CRHR2: variants seen among roughly 807,000 people sequenced by gnomAD.
CRHR2 encodes the protein corticotropin releasing hormone receptor 2, also known as corticotropin-releasing hormone receptor 2.
In CRHR2, 53 loss-of-function variants were observed where a neutral mutation model predicts 57.9. The ratio of observed to expected loss-of-function variants is 0.92; its 90% CI spans 0.73 to 1.15. CRHR2 has a LOEUF of 1.15. Ranked by LOEUF, CRHR2 falls within the 50% of genes most tolerant of loss-of-function variation. CRHR2 has a pLI of 0.00. For synonymous variants in CRHR2, 213 were observed against 220.9 expected, an observed-to-expected ratio of 0.96 and a Z score of 0.32; for missense variants, 532 against 542.6, an observed-to-expected ratio of 0.98 and a Z score of 0.19.
At chr7:30,679,738 CCT>C (rs1784637611) in intron 2 of CRHR2, among the ~76,000 whole-genome samples, 1 of 152,170 alleles carries the variant, frequency 6.6e-6, no homozygotes, top group South Asian at 2.1e-4. Flanking sequence ...GAGGTTTCTC[CCT>C]CTGTCATTCT....
Position 30,655,652 on chromosome 7 carries a change from G to A in CRHR2, c.981C>T (p.Phe327=), listed in dbSNP as rs754175579. Residue 327 remains phenylalanine, a synonymous_variant, in exon 10 of 12, where the codon TTC becomes TTT. Coordinates refer to ENST00000471646, the MANE Select transcript of CRHR2 (RefSeq NM_001883.5). ...PLLGITYMLF[F]VNPGEDDLSQ... ...ACAGGTCGTCCTCCCCGGGATTGACGAAGAAGAGCATGTAGGTGATGCCCA... is the reference window on the plus strand; with the variant it reads ...ACAGGTCGTCCTCCCCGGGATTGACAAAGAAGAGCATGTAGGTGATGCCCA... The A allele has an allele frequency of 2.2e-5, 36 of 1,614,056 alleles. No individual in the cohort carries two copies. Among genetic ancestry groups the A allele is most frequent in the South Asian group, 5.5e-5 (5 of 91,088 alleles).
chr7:30,686,322 C>A, upstream of CRHR2: 1 of 1,435,748 alleles, frequency 7.0e-7, no homozygotes, highest in South Asian at 1.5e-5. Flanking sequence ...GTTCACTAAC[C>A]CATCCCCAGC....
chr7:30,656,042 G>C lies in CRHR2; in HGVS notation c.832-30C>G. The C allele has an allele frequency of 6.2e-7, 1 of 1,600,088 alleles. No homozygotes were observed. The highest frequency in any genetic ancestry group is 8.6e-7 in the Non-Finnish European group (1 of 1,167,524). On this transcript the variant is annotated intron_variant, in intron 8 of 11. Transcript: ENST00000471646. The surrounding 1 kb of genome is among the most constrained non-coding windows in gnomAD (Gnocchi z 4.4). The stretch of plus-strand genomic sequence containing the variant: ...AGGGAGGGCGGGCATGGGAAAGAGG[G>C]AAAAGGAAGGAGCACGTGTTTGAGA...
chr7:30,678,978 C>G (rs567724688), intron 2 of CRHR2, among the ~76,000 whole-genome samples: 1 of 152,270 alleles, frequency 6.6e-6, no homozygotes, highest in Admixed American at 6.5e-5. Context: ...ATGGTGAAGC[C>G]CTGTAGAATG....
At chr7:30,662,591 G>A (rs1223221811) in intron 6 of CRHR2, 103 bp downstream of exon 6, 11 of 1,427,562 alleles carry the variant, frequency 7.7e-6, no homozygotes, top group African/African-American at 1.4e-5. Context: ...CGCTGGGGGT[G>A]GAGGGCAGGG....
intron 2 of CRHR2, among the ~76,000 whole-genome samples, chr7:30,681,641 A>G (rs1253241447): frequency 6.6e-6 from 1 of 152,240 alleles, no homozygotes; most frequent in African/African-American, 2.4e-5. Context: ...ACACTCCAAG[A>G]GGAGGAAGTA....
rs57211803 is a variant in CRHR2 at position 30,698,924 on chromosome 7, A to G, written c.-261+1020T>C. On this transcript the variant is annotated intron_variant, in intron 1 of 13. Coordinates refer to the CRHR2 transcript ENST00000341843. ...GTAACCTGTCCAAGGTCACACATTA[A>G]GCAGCAAAGCAGGGATCTGGATTGG... 5.1e-3 allele frequency among the ~76,000 whole-genome samples: 784 copies of G among 152,344 alleles called. 10 individuals are homozygous for G. Among genetic ancestry groups the G allele is most frequent in the African/African-American group, 0.018 (735 of 41,576 alleles).
intron 7 of CRHR2, 86 bp downstream of exon 7, chr7:30,662,070 A>G: frequency 6.9e-7 from 1 of 1,441,982 alleles, no homozygotes; most frequent in South Asian, 1.2e-5. Context: ...TTCCTGCTCC[A>G]CGGCTTGGCC....
At position 30,681,899 on chromosome 7, in the gene CRHR2, G is replaced by A; in HGVS notation, c.229+16C>T. ...AGGCCGGTGTAGAGCAGGCAGCGAG[G>A]GCCGGGGGCACTCACGGGTCGTGTT... On this transcript the variant is annotated intron_variant, in intron 2 of 11. Coordinates refer to ENST00000471646, the MANE Select transcript of CRHR2 (RefSeq NM_001883.5). 3 of 1,605,292 alleles carry A rather than the reference G, an allele frequency of 1.9e-6. No homozygotes were observed. The highest frequency in any genetic ancestry group is 2.6e-6 in the Non-Finnish European group (3 of 1,176,384).
intron 2 of CRHR2, among the ~76,000 whole-genome samples, chr7:30,675,324 T>C: frequency 6.6e-6 from 1 of 152,044 alleles, no homozygotes. Context: ...GTGGCACTGG[T>C]GGTAAGGAGT....
intron 1 of CRHR2, chr7:30,699,825 A>C: frequency 1.4e-6 from 1 of 692,512 alleles, no homozygotes; most frequent in South Asian, 2.2e-5. Flanking sequence ...ATCATCAGAC[A>C]CAAGGATCCC....
At chr7:30,694,300 A>C (rs1785014721) in intron 1 of CRHR2, among the ~76,000 whole-genome samples, 1 of 152,170 alleles carries the variant, frequency 6.6e-6, no homozygotes, top group African/African-American at 2.4e-5. Flanking sequence ...AGTGCCTGGC[A>C]TGGGAGGCCC....
chr7:30,682,458 G>A (rs1037409879), upstream of CRHR2: 19 of 1,339,520 alleles, frequency 1.4e-5, no homozygotes, highest in Admixed American at 7.5e-4. Flanking sequence ...CTGTCAAGTG[G>A]GGACCTTCCC....
intron 2 of CRHR2, among the ~76,000 whole-genome samples, chr7:30,688,573 T>A (rs949045882): frequency 6.6e-6 from 1 of 152,074 alleles, no homozygotes; most frequent in Non-Finnish European, 1.5e-5. Context: ...CACCCTTGTC[T>A]CCTTGTGCCC....
upstream of CRHR2, chr7:30,686,402 C>G (rs1416298466): frequency 6.5e-7 from 1 of 1,533,284 alleles, no homozygotes; most frequent in Non-Finnish European, 8.7e-7. Context: ...GGCAGAAGAG[C>G]TGAGGAAAGC....
At chr7:30,684,527 G>A (rs1042303712), upstream of CRHR2, among the ~76,000 whole-genome samples, 5 of 152,204 alleles carry the variant, frequency 3.3e-5, no homozygotes, top group African/African-American at 1.2e-4. Context: ...ACAGAGGGTT[G>A]GCCTGGGTGA....
Position 30,665,500 on chromosome 7 carries a change from G to C in CRHR2, c.425+30C>G. ...GGGGGTGCTGTAGGGGGAGGGATGA[G>C]GAGAAAGCAAGGCGGAAGGGCAGAC... On this transcript the variant is annotated intron_variant, in intron 4 of 11. Coordinates refer to ENST00000471646, the MANE Select transcript of CRHR2 (RefSeq NM_001883.5). This position sits in a 1 kb window ranked among gnomAD's most constrained non-coding sequence, Gnocchi z 4.5. 1 of 1,524,226 alleles carries C rather than the reference G, an allele frequency of 6.6e-7. No individual in the cohort carries two copies. The highest frequency in any genetic ancestry group is 8.9e-7 in the Non-Finnish European group (1 of 1,121,986). The allele number at this position is 1,524,226 out of a possible 1,614,324, so 94.4% of individuals were successfully genotyped here. A position where few individuals can be genotyped will look rare whatever the true frequency, so the allele number is the denominator to read the frequency against.
At chr7:30,661,761 A>C (rs919150315) in intron 7 of CRHR2, among the ~76,000 whole-genome samples, 2 of 152,134 alleles carry the variant, frequency 1.3e-5, no homozygotes, top group African/African-American at 2.4e-5. Context: ...AGAAAAAAAA[A>C]CAAGCTCTGT....
chr7:30,673,894 A>G (rs986756993), intron 2 of CRHR2, among the ~76,000 whole-genome samples: 2 of 152,152 alleles, frequency 1.3e-5, no homozygotes, highest in African/African-American at 4.8e-5. Context: ...GAAGTGCTAG[A>G]TTGAGTTTGG....
Sources: allele counts gnomAD v4.1 joint callset (sites outside exome capture counted in the v4.1 genomes callset), GRCh38; gene constraint gnomAD v4.1.1; non-coding constraint Gnocchi (gnomAD v3.1); transcripts MANE v1.5; gene names NCBI Gene and HGNC (gene_info 2026-07-23, HGNC 2026-07-21).